Variants in PKHD1 observed in about 807,000 individuals in gnomAD.
PKHD1 encodes fibrocystin.
In PKHD1, 291 loss-of-function variants were observed where a neutral mutation model predicts 412.0. The observed-to-expected ratio is 0.71, with a 90% CI of 0.64 to 0.78. The LOEUF (loss-of-function observed/expected upper bound fraction) is 0.78. Ranked by LOEUF, PKHD1 falls within the 30% of genes least tolerant of loss-of-function variation. The pLI is 0.00. For synonymous variants in PKHD1, 1,777 were observed against 1,821.5 expected (o/e 0.98, Z 0.62); for missense variants, 4,825 against 4,950.7 (o/e 0.97, Z 0.76).
chr6:52,055,715 T>C lies in PKHD1; in HGVS notation c.1708A>G (p.Asn570Asp), dbSNP rs183412504. ...CCACTGGTGAGGTCCCCATCAGAGT[T>C]GGAAACTTCTGGGCCTGGATGCAGT... ...LGFERGPEVS[N>D]SDGDLTSGTE... Residue 570 changes from asparagine (N) to aspartate (D), a missense_variant, in exon 19 of 67, where the codon AAC becomes GAC. Coordinates refer to ENST00000371117, the MANE Select transcript of PKHD1 (RefSeq NM_138694.4). The C allele has an allele frequency of 6.2e-7, 1 of 1,613,862 alleles. No individual in the cohort carries two copies. The highest frequency in any genetic ancestry group is 1.7e-5 in the Admixed American group (1 of 60,004).
intron 60 of PKHD1, among the ~76,000 whole-genome samples, chr6:51,687,833 G>A (rs892854968): frequency 5.9e-5 from 9 of 152,148 alleles, no homozygotes; most frequent in Non-Finnish European, 8.8e-5. Flanking sequence ...TAGTAAATCA[G>A]TTCAGTTTTG....
intron 35 of PKHD1, among the ~76,000 whole-genome samples, chr6:51,983,333 T>G (rs1795813104): frequency 6.6e-6 from 1 of 152,184 alleles, no homozygotes; most frequent in Admixed American, 6.5e-5. Flanking sequence ...GAATCTCCTT[T>G]TACATTAGTT....
At position 51,684,502 on chromosome 6, in the gene PKHD1, C is replaced by G. The variant is rs558567658; in HGVS notation, c.10157-24533G>C. 2.0e-5 allele frequency among the ~76,000 whole-genome samples: 3 copies of G among 152,048 alleles called. No homozygotes were observed. The East Asian group carries it at 5.8e-4, about 29-fold the overall frequency. Reference sequence around the variant, plus strand: ...TAGAAGCAAAAGGAAGAGAAAAATACAAGCAATCTGACATTGTGACCTACA... The same window carrying G: ...TAGAAGCAAAAGGAAGAGAAAAATAGAAGCAATCTGACATTGTGACCTACA... On this transcript the variant is annotated intron_variant, in intron 60 of 66. Transcript: ENST00000371117.
At chr6:52,070,281 T>C (rs1810406368) in intron 10 of PKHD1, 125 bp downstream of exon 10, 1 of 727,118 alleles carries the variant, frequency 1.4e-6, no homozygotes, top group Non-Finnish European at 2.5e-6. Flanking sequence ...GGTCTCATTA[T>C]ACTATTCTGT....
At chr6:51,956,228 T>C (rs548236189) in intron 36 of PKHD1, among the ~76,000 whole-genome samples, 3 of 152,094 alleles carry the variant, frequency 2.0e-5, no homozygotes, top group Non-Finnish European at 2.9e-5. Context: ...TATAGACATA[T>C]GTGTGTATGT....
intron 37 of PKHD1, among the ~76,000 whole-genome samples, chr6:51,933,386 C>T (rs1226599397): frequency 2.0e-5 from 3 of 152,194 alleles, no homozygotes; most frequent in Non-Finnish European, 4.4e-5. Flanking sequence ...AAACCCTGCT[C>T]ATGGGGTAGA....
In PKHD1 at chr6:52,045,323, A is replaced by C. The variant is rs112931740; in HGVS notation, c.2593-235T>G. Among the ~76,000 whole-genome samples, 649 of 152,338 alleles carry C rather than the reference A, an allele frequency of 4.3e-3. 6 individuals are homozygous for C. The highest frequency in any genetic ancestry group is 0.015 in the African/African-American group (623 of 41,564). ...AGTGGATTGCCAAAAGAGGTACAAT[A>C]AATCAATCTTCTCTCTAAGTCTTGA... On this transcript the variant is annotated intron_variant, in intron 24 of 66. Coordinates refer to ENST00000371117, the MANE Select transcript of PKHD1 (RefSeq NM_138694.4).
chr6:52,000,703 T>A (rs1798263860), intron 35 of PKHD1, among the ~76,000 whole-genome samples: 1 of 152,194 alleles, frequency 6.6e-6, no homozygotes, highest in African/African-American at 2.4e-5. Context: ...CAAACTCCTA[T>A]ATGGTGATGT....
intron 43 of PKHD1, among the ~76,000 whole-genome samples, chr6:51,887,562 G>A (rs1173011822): frequency 2.0e-5 from 3 of 152,072 alleles, no homozygotes; most frequent in Admixed American, 6.5e-5. Context: ...CCTTAGTACT[G>A]TCCTCACCAT....
chr6:51,852,061 T>C (rs149126196), intron 49 of PKHD1, among the ~76,000 whole-genome samples: 1 of 152,340 alleles, frequency 6.6e-6, no homozygotes, highest in African/African-American at 2.4e-5. Flanking sequence ...AATTTCCCTC[T>C]TAACACTACT....
chr6:51,970,723 A>C (rs1001507088), intron 35 of PKHD1, among the ~76,000 whole-genome samples: 4 of 152,068 alleles, frequency 2.6e-5, no homozygotes, highest in Admixed American at 2.6e-4. Context: ...TCCCCACTGT[A>C]TGTTTTTGTT....
chr6:52,081,643 T>C (rs932719328), intron 4 of PKHD1, among the ~76,000 whole-genome samples: 7 of 152,240 alleles, frequency 4.6e-5, no homozygotes, highest in Non-Finnish European at 8.8e-5. Context: ...GATGAATTAC[T>C]ACAAGTTGTT....
chr6:51,795,160 A>G (rs1794403032), intron 52 of PKHD1, among the ~76,000 whole-genome samples: 1 of 152,210 alleles, frequency 6.6e-6, no homozygotes, highest in African/African-American at 2.4e-5. Context: ...ATCCATGAGC[A>G]TGGAATATTT....
Position 52,015,376 on chromosome 6 carries a change from G to A in PKHD1, c.5600+2034C>T, listed in dbSNP as rs150486099. On this transcript the variant is annotated intron_variant, in intron 34 of 66. Coordinates refer to ENST00000371117, the MANE Select transcript of PKHD1 (RefSeq NM_138694.4). ...GGTCACAGAGTATAAAGAATTTAAG[G>A]TTATTCGTGAATCGGCAAATTGTCC... Among the ~76,000 whole-genome samples the A allele has an allele frequency of 6.9e-3, 1,047 of 152,228 alleles. 11 individuals carry two copies. Among genetic ancestry groups the A allele is most frequent in the African/African-American group, 0.024 (978 of 41,540 alleles).
At chr6:51,926,470 G>A (rs912446120) in intron 37 of PKHD1, among the ~76,000 whole-genome samples, 67 of 152,174 alleles carry the variant, frequency 4.4e-4, no homozygotes, top group African/African-American at 1.4e-3. Context: ...GACTAATGCC[G>A]ACACTTTCAA....
rs746391290 is a variant in PKHD1, at chr6:51,791,247, TC to T, written c.8428del (p.Glu2810SerfsTer2). The T allele has an allele frequency of 3.1e-6, 5 of 1,613,798 alleles. No homozygotes were observed. Among genetic ancestry groups the T allele is most frequent in the Non-Finnish European group, 4.2e-6 (5 of 1,179,878 alleles). Reference sequence around the variant, plus strand: ...GTGCCTTTACTCACCAACTTTCAGCTCCCCGCCTGCAATGACCATGCATGCC... The same window carrying T: ...GTGCCTTTACTCACCAACTTTCAGCTCCCGCCTGCAATGACCATGCATGCC... Reference protein sequence around the residue: ...SVACMVIAGGELKVGTLENPL... With the variant: ...SVACMVIAGGXLKVGTLENPL... On this transcript the variant is annotated frameshift_variant, in exon 53 of 67. Coordinates refer to ENST00000371117, the MANE Select transcript of PKHD1 (RefSeq NM_138694.4). LOFTEE classifies it high-confidence loss of function.
chr6:51,668,357 G>A (rs1011751078), intron 60 of PKHD1, among the ~76,000 whole-genome samples: 1 of 152,078 alleles, frequency 6.6e-6, no homozygotes, highest in African/African-American at 2.4e-5. Context: ...GTCTGTTGTT[G>A]GTGTATAAGA....
At chr6:51,884,789 C>T (rs1031102554) in intron 45 of PKHD1, among the ~76,000 whole-genome samples, 4 of 152,084 alleles carry the variant, frequency 2.6e-5, no homozygotes, top group African/African-American at 9.7e-5. Context: ...AGAGTTTAAG[C>T]CCCTGCAGGT....
intron 46 of PKHD1, among the ~76,000 whole-genome samples, chr6:51,872,261 G>A (rs1776090827): frequency 1.3e-5 from 2 of 152,180 alleles, no homozygotes; most frequent in South Asian, 4.1e-4. Flanking sequence ...GTCCCACTCA[G>A]TATCTAGCAC....
Sources: gnomAD v4.1 joint callset for allele counts (sites outside exome capture counted in the v4.1 genomes callset) on GRCh38, gnomAD v4.1.1 for gene constraint, MANE v1.5 for transcripts, NCBI Gene and HGNC (gene_info 2026-07-23, HGNC 2026-07-21) for gene names.